KMT5B: variants seen among roughly 807,000 people sequenced by gnomAD.
KMT5B encodes the protein lysine methyltransferase 5B.
In KMT5B, 10 loss-of-function variants were observed where a neutral mutation model predicts 83.2. The ratio of observed to expected loss-of-function variants is 0.12; its 90% confidence interval spans 0.07 to 0.20. The LOEUF (loss-of-function observed/expected upper bound fraction) is 0.20. Ranked by LOEUF, KMT5B falls within the 10% of genes least tolerant of loss-of-function variation. The pLI, the probability that KMT5B is intolerant of heterozygous loss-of-function variation, is 1.00. For synonymous variants in KMT5B, 349 were observed against 388.8 expected (o/e 0.90, Z 1.20); for missense variants, 753 against 1,067.2 (o/e 0.71, Z 4.10).
In KMT5B at chr11:68,189,953, C is replaced by G. The variant is rs758717634; in HGVS notation, c.124G>C (p.Ala42Pro). 6 of 1,613,946 alleles carry G rather than the reference C, an allele frequency of 3.7e-6. No homozygotes were observed. The highest frequency in any genetic ancestry group is 2.7e-5 in the African/African-American group (2 of 74,902). ...LQHTGKDTLK[A>P]GKNAVERRSN... is the part of the protein sequence containing the mutation. ...CTCCTCTCGACTGCATTTTTGCCAG[C>G]CTTCAGGGTGTCCTTCCCCGTGTGC... Residue 42 changes from alanine to proline, a missense_variant, in exon 2 of 11, where the codon GCT becomes CCT. Coordinates refer to ENST00000304363, the MANE Select transcript of KMT5B (RefSeq NM_017635.5).
chr11:68,204,761 C>T (rs1211653365), intron 1 of KMT5B, among the ~76,000 whole-genome samples: 1 of 151,964 alleles, frequency 6.6e-6, no homozygotes, highest in Admixed American at 6.6e-5. Context: ...GGATTATAGG[C>T]ACCTGCTGCC....
chr11:68,158,421 A>C lies in KMT5B; in HGVS notation c.1925T>G (p.Val642Gly). 1 of 1,614,048 alleles carries C rather than the reference A, an allele frequency of 6.2e-7. No homozygotes were observed. Among genetic ancestry groups the C allele is most frequent in the Non-Finnish European group, 8.5e-7 (1 of 1,179,960 alleles). Residue 642 changes from valine to glycine, a missense_variant, in exon 11 of 11, where the codon GTA becomes GGA. Transcript: ENST00000304363. ...VHDSPGKDDA[V>G]PDLMGPHSDQ... ...AGAATGGGGACCCATCAAATCTGGT[A>C]CCGCGTCGTCTTTTCCAGGAGAATC... is the stretch of plus-strand genomic sequence containing the variant.
At chr11:68,198,791 A>G (rs1265656301) in intron 1 of KMT5B, among the ~76,000 whole-genome samples, 1 of 152,086 alleles carries the variant, frequency 6.6e-6, no homozygotes. Flanking sequence ...GTGCAGTGGC[A>G]CGATCTTGGC....
At chr11:68,188,749 C>A (rs979287755) in intron 2 of KMT5B, among the ~76,000 whole-genome samples, 4 of 152,146 alleles carry the variant, frequency 2.6e-5, no homozygotes, top group Non-Finnish European at 1.5e-5. Context: ...ACAGTGATTT[C>A]CTAAAAAACT....
intron 1 of KMT5B, among the ~76,000 whole-genome samples, chr11:68,195,472 C>G (rs1361336166): frequency 6.6e-6 from 1 of 152,140 alleles, no homozygotes; most frequent in Non-Finnish European, 1.5e-5. Flanking sequence ...GATCCAGGGT[C>G]CTGTTACATA....
intron 4 of KMT5B, among the ~76,000 whole-genome samples, chr11:68,179,039 T>G (rs1856657639): frequency 6.6e-6 from 1 of 152,200 alleles, no homozygotes; most frequent in Admixed American, 6.5e-5. Context: ...TACCCTGGCC[T>G]TTCTGGTTCC....
intron 4 of KMT5B, among the ~76,000 whole-genome samples, chr11:68,177,669 T>C (rs1259618080): frequency 6.6e-6 from 1 of 152,088 alleles, no homozygotes; most frequent in East Asian, 1.9e-4. Flanking sequence ...CTAGAGATAA[T>C]ACTGAAGAAA....
chr11:68,188,032 T>C (rs902099878), intron 2 of KMT5B, among the ~76,000 whole-genome samples: 4 of 151,300 alleles, frequency 2.6e-5, no homozygotes, highest in African/African-American at 7.3e-5. Context: ...TTTTCTTTTT[T>C]TTTTTTTTTT....
intron 1 of KMT5B, among the ~76,000 whole-genome samples, chr11:68,201,016 G>A (rs1165236792): frequency 6.6e-6 from 1 of 152,136 alleles, no homozygotes; most frequent in Non-Finnish European, 1.5e-5. Context: ...TAAGGAGGTG[G>A]GGGGTGAGGG....
At chr11:68,172,854 G>C (rs1855979811) in intron 6 of KMT5B, among the ~76,000 whole-genome samples, 1 of 152,044 alleles carries the variant, frequency 6.6e-6, no homozygotes, top group African/African-American at 2.4e-5. Context: ...TGGCAATAAA[G>C]TTCTTTTACC....
intron 10 of KMT5B, chr11:68,166,579 T>C: frequency 1.2e-5 from 12 of 1,007,268 alleles, no homozygotes; most frequent in South Asian, 8.6e-5. Flanking sequence ...CCCAAGTCCA[T>C]CATCTTTTCT....
At chr11:68,173,759 A>G in intron 6 of KMT5B, 45 bp downstream of exon 6, 1 of 1,225,312 alleles carries the variant, frequency 8.2e-7, no homozygotes, top group South Asian at 1.3e-5. Flanking sequence ...AATTTAGAAG[A>G]GAACTTTAAA....
At chr11:68,193,980 T>C (rs1265165306) in intron 1 of KMT5B, among the ~76,000 whole-genome samples, 1 of 151,742 alleles carries the variant, frequency 6.6e-6, no homozygotes, top group African/African-American at 2.4e-5. Context: ...AGTGTACTTT[T>C]GAGGTATAAA....
chr11:68,201,268 C>T (rs947737525), intron 1 of KMT5B, among the ~76,000 whole-genome samples: 2 of 152,128 alleles, frequency 1.3e-5, no homozygotes, highest in African/African-American at 4.8e-5. Flanking sequence ...TATTTTTTCC[C>T]CAAACGTTTA....
intron 2 of KMT5B, among the ~76,000 whole-genome samples, chr11:68,188,651 G>A (rs1016286338): frequency 1.6e-4 from 24 of 152,108 alleles, no homozygotes; most frequent in East Asian, 1.9e-4. Flanking sequence ...GAGCTACCAC[G>A]CCCAGACGCA....
chr11:68,158,829 C>T lies in KMT5B; in HGVS notation c.1517G>A (p.Ser506Asn), dbSNP rs1320210702. ...CGCCGCGTGTCTAGTCAAGCACCCG[C>T]TGGCAACTGCGGCTTGGGCTGGTCC... ...PEGPAQAAVA[S>N]GCLTRHAARE... Residue 506 changes from serine (S) to asparagine (N), a missense_variant, in exon 11 of 11, where the codon AGC becomes AAC. Ser to Asn is a conservative substitution (Grantham distance 46). Around this residue, in one of 9 missense-constraint regions of KMT5B, gnomAD observed 397 missense variants for 395.9 expected, o/e 1.00. Transcript: ENST00000304363. 1.2e-6 allele frequency: 2 copies of T among 1,614,074 alleles called. No homozygotes were observed. The highest frequency in any genetic ancestry group is 2.7e-5 in the African/African-American group (2 of 74,932).
intron 3 of KMT5B, among the ~76,000 whole-genome samples, chr11:68,182,583 C>G (rs2153064265): frequency 6.6e-6 from 1 of 152,046 alleles, no homozygotes; most frequent in South Asian, 2.1e-4. Flanking sequence ...CTTGCCCTCC[C>G]AAAGTGCTGG....
chr11:68,158,827 C>G lies in KMT5B; in HGVS notation c.1519G>C (p.Gly507Arg), dbSNP rs149767191. The G allele has an allele frequency of 2.0e-5, 32 of 1,614,156 alleles. No individual in the cohort carries two copies. The South Asian group carries it at 3.3e-4, about 17-fold the overall frequency. Residue 507 changes from glycine (G) to arginine (R), a missense_variant, in exon 11 of 11, where the codon GGG (glycine) becomes CGG (arginine). Around this residue, in one of 9 missense-constraint regions of KMT5B, gnomAD observed 397 missense variants for 395.9 expected, o/e 1.00. Coordinates refer to ENST00000304363, the MANE Select transcript of KMT5B (RefSeq NM_017635.5). ...EGPAQAAVASGCLTRHAAREH... is the reference protein window; with the variant it reads ...EGPAQAAVASRCLTRHAAREH... The stretch of plus-strand genomic sequence containing the variant: ...CTCGCCGCGTGTCTAGTCAAGCACC[C>G]GCTGGCAACTGCGGCTTGGGCTGGT...
chr11:68,207,003 G>A (rs1860197487), intron 1 of KMT5B, among the ~76,000 whole-genome samples: 1 of 152,050 alleles, frequency 6.6e-6, no homozygotes, highest in African/African-American at 2.4e-5. Context: ...AGCACTTTGG[G>A]AGGCTGAGGC....
Sources: gnomAD v4.1 joint callset for allele counts (sites outside exome capture counted in the v4.1 genomes callset) on GRCh38, gnomAD v4.1.1 for gene constraint, gnomAD v4.1.1 regional missense constraint, MANE v1.5 for transcripts, NCBI Gene and HGNC (gene_info 2026-07-23, HGNC 2026-07-21) for gene names.